The following TACC3 variants were observed in gnomAD, a reference collection of about 807,000 sequenced individuals.
The protein encoded by TACC3 is transforming acidic coiled-coil-containing protein 3.
A neutral mutation model predicts 86.0 loss-of-function variants in TACC3; 52 were observed. The observed-to-expected ratio is 0.60, with a 90% CI of 0.48 to 0.76. The LOEUF is 0.76. Among genes scored for constraint, TACC3 ranks in the 30% least tolerant of loss-of-function variants. The probability of loss-of-function intolerance (pLI) is 0.00; values close to 1 mark genes in which losing one functional copy is unlikely to be tolerated. For missense variants in TACC3, 1,120 were observed against 1,070.4 expected, an observed-to-expected ratio of 1.05 and a Z score of -0.65; for synonymous variants, 512 against 430.0, an observed-to-expected ratio of 1.19 and a Z score of -2.36.
intron 3 of TACC3, 87 bp from the exon 4 acceptor site, chr4:1,727,621 T>A (rs2854908): frequency 0.43 from 648,233 of 1,514,478 alleles, 143,070 homozygotes; most frequent in Non-Finnish European, 0.46. Context: ...GGTGTGAGAA[T>A]GTTAAACCTA....
At chr4:1,733,296 T>G (rs1300063763) in intron 6 of TACC3, among the ~76,000 whole-genome samples, 1 of 152,166 alleles carries the variant, frequency 6.6e-6, no homozygotes, top group African/African-American at 2.4e-5. Flanking sequence ...GTAAATCCCT[T>G]TTATTCAAGA....
At chr4:1,724,172 T>C (rs1717569693) in intron 3 of TACC3, among the ~76,000 whole-genome samples, 1 of 151,500 alleles carries the variant, frequency 6.6e-6, no homozygotes, top group South Asian at 2.1e-4. Flanking sequence ...GGTTTCACCG[T>C]GTTAGCCAGG....
intron 13 of TACC3, among the ~76,000 whole-genome samples, chr4:1,742,792 C>T (rs1718655107): frequency 8.1e-6 from 1 of 123,836 alleles, no homozygotes; most frequent in Non-Finnish European, 1.8e-5. Context: ...GAGTGAGACT[C>T]CATCTCAAAA....
chr4:1,741,025 T>C (rs1406137104), intron 13 of TACC3, 39 bp downstream of exon 13: 1 of 1,563,824 alleles, frequency 6.4e-7, no homozygotes, highest in African/African-American at 1.4e-5. Flanking sequence ...CCTCGGAGGC[T>C]GATGGACTCA....
intron 13 of TACC3, among the ~76,000 whole-genome samples, chr4:1,742,927 A>G (rs1450394004): frequency 6.6e-6 from 1 of 152,212 alleles, no homozygotes; most frequent in Non-Finnish European, 1.5e-5. Context: ...ATATGGCACC[A>G]TTGCACTCCA....
intron 13 of TACC3, 120 bp downstream of exon 13, chr4:1,741,106 CGGG>C (rs1718578233): frequency 2.0e-6 from 2 of 982,128 alleles, no homozygotes; most frequent in South Asian, 3.3e-5. Context: ...CCCCTTGCCA[CGGG>C]GGCATGGGAT....
intron 13 of TACC3, among the ~76,000 whole-genome samples, chr4:1,742,980 CA>C (rs1368153403): frequency 6.6e-6 from 1 of 151,996 alleles, no homozygotes; most frequent in African/African-American, 2.4e-5. Flanking sequence ...ACAAAAAATA[CA>C]GAAAAACTAG....
At chr4:1,743,841 C>T (rs1239903355) in intron 13 of TACC3, among the ~76,000 whole-genome samples, 1 of 152,204 alleles carries the variant, frequency 6.6e-6, no homozygotes, top group Non-Finnish European at 1.5e-5. Context: ...GAGGCGTGAC[C>T]TCCGCAGGAC....
intron 13 of TACC3, among the ~76,000 whole-genome samples, chr4:1,742,663 G>A (rs1718649377): frequency 6.6e-6 from 1 of 152,158 alleles, no homozygotes; most frequent in Admixed American, 6.5e-5. Flanking sequence ...GCTGGGCAGG[G>A]TGGCATTTGC....
At chr4:1,739,554 C>G in intron 10 of TACC3, 148 bp from the exon 11 acceptor site, 1 of 730,404 alleles carries the variant, frequency 1.4e-6, no homozygotes. Context: ...ACAGGGTTCC[C>G]AGGGTCCCAC....
At chr4:1,732,500 A>G (rs1204545690) in intron 6 of TACC3, among the ~76,000 whole-genome samples, 1 of 152,272 alleles carries the variant, frequency 6.6e-6, no homozygotes, top group Admixed American at 6.5e-5. Context: ...ATTAAAGTGC[A>G]TTTGGTAGGA....
rs199942936 is a variant in TACC3, at chr4:1,739,923, C to G, written c.2019-36C>G. On this transcript the variant is annotated intron_variant, in intron 11 of 15. Transcript: ENST00000313288. The stretch of plus-strand genomic sequence containing the variant: ...ACCTGGCCTGGGACCGCTGGGCACC[C>G]GAGGCAATGGCTGTGTGTCTGTTCT... The G allele has an allele frequency of 3.7e-6, 6 of 1,612,622 alleles. No homozygotes were observed. The African/African-American group carries it at 8.0e-5, about 22-fold the overall frequency.
chr4:1,743,847 A>C lies in TACC3; in HGVS notation c.2224-671A>C, dbSNP rs545709598. Among the ~76,000 whole-genome samples, 5 of 152,338 alleles carry C rather than the reference A, an allele frequency of 3.3e-5. No individual in the cohort carries two copies. The East Asian group carries it at 9.6e-4, about 29-fold the overall frequency. On this transcript the variant is annotated intron_variant, in intron 13 of 15. Transcript: ENST00000313288. ...GGTTTAAGGGAGGCGTGACCTCCGC[A>C]GGACATCAGGGGCTGCATGCTGGGT...
At position 1,735,429 on chromosome 4, in the gene TACC3, C is replaced by T. The variant is rs895212633; in HGVS notation, c.1644+104C>T. ...TCCCTTGGTGCCCACGTCCCCCCAGCTGCACACAGGCCCAGGCATTGTGGC... is the reference window on the plus strand; with the variant it reads ...TCCCTTGGTGCCCACGTCCCCCCAGTTGCACACAGGCCCAGGCATTGTGGC... On this transcript the variant is annotated intron_variant, in intron 7 of 15. Coordinates refer to ENST00000313288, the MANE Select transcript of TACC3 (RefSeq NM_006342.3). This position sits in a 1 kb window ranked among gnomAD's most constrained non-coding sequence, Gnocchi z 4.2. The T allele has an allele frequency of 1.1e-5, 14 of 1,319,308 alleles. No homozygotes were observed. The African/African-American group carries it at 1.9e-4, about 18-fold the overall frequency. 81.7% of individuals were successfully genotyped at this position (1,319,308 alleles called of 1,614,324 possible). A position where few individuals can be genotyped will look rare whatever the true frequency, so the allele number is the denominator to read the frequency against.
chr4:1,732,182 C>A (rs370804757), intron 6 of TACC3, among the ~76,000 whole-genome samples: 1 of 142,770 alleles, frequency 7.0e-6, no homozygotes, highest in Non-Finnish European at 1.5e-5. Context: ...ATAAATACGG[C>A]TTGTCCGTAA....
At position 1,728,253 on chromosome 4, in the gene TACC3, C is replaced by T; in HGVS notation, c.851C>T (p.Pro284Leu). 2 of 1,612,638 alleles carry T rather than the reference C, an allele frequency of 1.2e-6. No homozygotes were observed. The highest frequency in any genetic ancestry group is 8.5e-7 in the Non-Finnish European group (1 of 1,179,974). Residue 284 changes from proline to leucine, a missense_variant, in exon 4 of 16, where the codon CCA becomes CTA. By Grantham distance (98) the Pro-to-Leu change is moderately conservative (BLOSUM62 -3). Transcript: ENST00000313288. The part of the protein sequence containing the change: ...GCPAGVGTPV[P>L]ADGTQTLTCA... ...CCTGCGGGTGTGGGCACCCCCGTGC[C>T]AGCAGATGGCACTCAGACCCTTACC...
In TACC3 at chr4:1,730,879, C is replaced by A. The variant is rs1436949632; in HGVS notation, c.1386-8C>A. 13 of 1,612,810 alleles carry A rather than the reference C, an allele frequency of 8.1e-6. No homozygotes were observed. Among genetic ancestry groups the A allele is most frequent in the African/African-American group, 1.3e-5 (1 of 74,938 alleles). On this transcript the variant is annotated splice_polypyrimidine_tract_variant and splice_region_variant and intron_variant, in intron 4 of 15. Coordinates refer to ENST00000313288, the MANE Select transcript of TACC3 (RefSeq NM_006342.3). ...GGGCATGGGCCTCTGCTGACTCTGT[C>A]TCCCCAGGCAGCTGCATTCAGCCTC... is the stretch of plus-strand genomic sequence containing the variant.
intron 4 of TACC3, 74 bp downstream of exon 4, chr4:1,728,861 G>A (rs1717859409): frequency 1.4e-6 from 2 of 1,425,418 alleles, no homozygotes; most frequent in East Asian, 4.6e-5. Flanking sequence ...AGGACCCGAG[G>A]CCAGAAGTGT....
chr4:1,742,988 C>T (rs1028123719), intron 13 of TACC3, among the ~76,000 whole-genome samples: 1 of 152,076 alleles, frequency 6.6e-6, no homozygotes, highest in Non-Finnish European at 1.5e-5. Flanking sequence ...TACAGAAAAA[C>T]TAGGCCGGCT....
Sources: allele counts gnomAD v4.1 joint callset (sites outside exome capture counted in the v4.1 genomes callset), GRCh38; gene constraint gnomAD v4.1.1; non-coding constraint Gnocchi (gnomAD v3.1); transcripts MANE v1.5; gene names NCBI Gene and HGNC (gene_info 2026-07-23, HGNC 2026-07-21).